Variants in NOP2 observed in about 807,000 individuals in gnomAD.
NOP2 encodes the protein NOP2 nucleolar protein.
In NOP2, 7 loss-of-function variants were observed where a neutral mutation model predicts 72.7. The ratio of observed to expected loss-of-function variants is 0.10; its 90% CI spans 0.05 to 0.18. NOP2 has a LOEUF of 0.18. Ranked by LOEUF, NOP2 falls within the 10% of genes least tolerant of loss-of-function variation. The probability of loss-of-function intolerance (pLI) is 1.00; values close to 1 mark genes in which losing one functional copy is unlikely to be tolerated. For synonymous variants in NOP2, 387 were observed against 388.0 expected (o/e 1.00, Z 0.03); for missense variants, 954 against 1,014.7 (o/e 0.94, Z 0.81).
At chr12:6,565,450 C>A (rs1217470235) in intron 5 of NOP2, among the ~76,000 whole-genome samples, 1 of 151,980 alleles carries the variant, frequency 6.6e-6, no homozygotes, top group African/African-American at 2.4e-5. Context: ...AAGCAATTTT[C>A]CTGCCTCAGC....
rs959288805 is a variant in NOP2, at chr12:6,557,109, C to T, written c.2323G>A (p.Asp775Asn). ...GGAGGCTGAGGCCCCTTGGGGGTATCATTCTGTTTCTGGAAGGCAGCTTTC... is the reference window on the plus strand; with the variant it reads ...GGAGGCTGAGGCCCCTTGGGGGTATTATTCTGTTTCTGGAAGGCAGCTTTC... Reference protein sequence around the residue: ...FEKAAFQKQNDTPKGPQPPTV... With the variant: ...FEKAAFQKQNNTPKGPQPPTV... The change falls in exon 16 of 16, where the codon GAT becomes AAT. Residue 775 changes from aspartate to asparagine, a missense_variant. This residue lies in a region of NOP2 where 269 missense variants were observed against 260.2 expected (regional missense o/e 1.03). Coordinates refer to ENST00000322166, the MANE Select transcript of NOP2 (RefSeq NM_001258308.2). The T allele has an allele frequency of 1.9e-6, 3 of 1,613,824 alleles. No homozygotes were observed. In the African/African-American group the frequency reaches 4.0e-5, roughly 22 times the overall value.
intron 9 of NOP2, among the ~76,000 whole-genome samples, chr12:6,562,829 T>TG (rs1299936032): frequency 2.0e-5 from 3 of 152,142 alleles, no homozygotes; most frequent in African/African-American, 7.2e-5. Context: ...CCAATTTCCT[T>TG]GGGGGCAGCA....
Position 6,566,604 on chromosome 12 carries a change from TCC to T in NOP2, c.161_162del (p.Arg54LysfsTer6). On this transcript the variant is annotated frameshift_variant, in exon 4 of 16. Transcript: ENST00000322166. LOFTEE classifies it high-confidence loss of function. ...SSRARKRAAK[R>X]RLGSVEAPKT... ...TTAGGGGCTTCAACAGAGCCCAATCTCCTCTTGGCTGCCCTGAAAAGACACAA... is the reference window on the plus strand; with the variant it reads ...TTAGGGGCTTCAACAGAGCCCAATCTTCTTGGCTGCCCTGAAAAGACACAA... 6.4e-7 allele frequency: 1 copy of T among 1,565,582 alleles called. No homozygotes were observed. The highest frequency in any genetic ancestry group is 8.8e-7 in the Non-Finnish European group (1 of 1,137,414).
chr12:6,562,963 C>A (rs998402186), intron 9 of NOP2, 118 bp downstream of exon 9: 6 of 1,016,142 alleles, frequency 5.9e-6, no homozygotes, highest in South Asian at 2.7e-5. Flanking sequence ...GTTTGCCCCC[C>A]CAGGATCATG....
At chr12:6,559,280 A>T (rs1009239827) in intron 15 of NOP2, among the ~76,000 whole-genome samples, 2 of 152,126 alleles carry the variant, frequency 1.3e-5, no homozygotes, top group Admixed American at 6.5e-5. Flanking sequence ...CACCAAGCTC[A>T]GCTAATTTTT....
At chr12:6,562,799 A>G (rs1947682957) in intron 9 of NOP2, among the ~76,000 whole-genome samples, 1 of 152,158 alleles carries the variant, frequency 6.6e-6, no homozygotes, top group Admixed American at 6.5e-5. Context: ...ATATTTCCCC[A>G]GCTCCTCAAT....
Position 6,557,141 on chromosome 12 carries a change from G to C in NOP2, c.2291C>G (p.Pro764Arg), listed in dbSNP as rs761726581. 5.0e-6 allele frequency: 8 copies of C among 1,613,868 alleles called. No individual in the cohort carries two copies. The highest frequency in any genetic ancestry group is 6.8e-6 in the Non-Finnish European group (8 of 1,179,900). Residue 764 changes from proline (P) to arginine (R), a missense_variant, in exon 16 of 16, where the codon CCT becomes CGT. Transcript: ENST00000322166. ...GVEKQQLPEQPFEKAAFQKQN... is the reference protein window; with the variant it reads ...GVEKQQLPEQRFEKAAFQKQN... ...TTTCTGGAAGGCAGCTTTCTCAAAA[G>C]GCTGCTCTGGCAACTGCTGCTTCTC...
At chr12:6,564,055 C>G in intron 5 of NOP2, 109 bp from the exon 6 acceptor site, 1 of 1,538,102 alleles carries the variant, frequency 6.5e-7, no homozygotes, top group Non-Finnish European at 8.7e-7. Flanking sequence ...AACACTTGCT[C>G]TCAGAAGGAA....
intron 5 of NOP2, among the ~76,000 whole-genome samples, chr12:6,564,491 C>T (rs546938596): frequency 1.3e-4 from 20 of 151,516 alleles, no homozygotes; most frequent in African/African-American, 4.1e-4. Flanking sequence ...TGCAATGGCG[C>T]GTCTTGGCTC....
rs1299726698 is a variant in NOP2, at chr12:6,563,530, A to T, written c.689-16T>A. On this transcript the variant is annotated splice_polypyrimidine_tract_variant and intron_variant, in intron 7 of 15. Coordinates refer to ENST00000322166, the MANE Select transcript of NOP2 (RefSeq NM_001258308.2). Reference sequence around the variant, plus strand: ...GCCTGGGCATGTGGGCCTGTTAAGGAACTGTGTCATGATGTCCTAAGGCCT... The same window carrying T: ...GCCTGGGCATGTGGGCCTGTTAAGGTACTGTGTCATGATGTCCTAAGGCCT... The T allele has an allele frequency of 6.2e-7, 1 of 1,612,330 alleles. No homozygotes were observed. The highest frequency in any genetic ancestry group is 8.5e-7 in the Non-Finnish European group (1 of 1,179,276).
chr12:6,556,889 T>A lies in NOP2; in HGVS notation c.*104A>T. ...CAGTGGCCAGAGGTTTTAAAATGTG[T>A]ATTAAATTTCATGGGTATGCACAGT... On this transcript the variant is annotated 3_prime_UTR_variant, in exon 16 of 16. Transcript: ENST00000322166. 7.6e-7 allele frequency: 1 copy of A among 1,323,926 alleles called. No individual in the cohort carries two copies. Among genetic ancestry groups the A allele is most frequent in the South Asian group, 1.3e-5 (1 of 74,892 alleles). The allele number at this position is 1,323,926 out of a possible 1,614,324, so 82.0% of individuals were successfully genotyped here.
At chr12:6,558,246 G>C in intron 15 of NOP2, 1 of 301,470 alleles carries the variant, frequency 3.3e-6, no homozygotes, top group South Asian at 2.5e-5. Flanking sequence ...ATGCTGTAAG[G>C]AAGAGGTGAT....
At chr12:6,564,275 CAAA>C (rs560024120) in intron 5 of NOP2, 58 of 74,162 alleles carry the variant, frequency 7.8e-4, no homozygotes, top group East Asian at 4.2e-3. Context: ...GACTTCATCT[CAAA>C]AAAAAAAAAA....
In NOP2 at chr12:6,560,404, C is replaced by T. The variant is rs764059228; in HGVS notation, c.1560+43G>A. ...AGGGAGCTCTAAGGGGCAAAGAGCC[C>T]CCCAGCCCAGCCTCCCCTGCTCTGC... On this transcript the variant is annotated intron_variant, in intron 14 of 15. Transcript: ENST00000322166. The surrounding 1 kb of genome is among the most constrained non-coding windows in gnomAD (Gnocchi z 5.0). 4 of 1,595,738 alleles carry T rather than the reference C, an allele frequency of 2.5e-6. No individual in the cohort carries two copies. The highest frequency in any genetic ancestry group is 1.7e-5 in the Admixed American group (1 of 58,040).
Position 6,561,930 on chromosome 12 carries a change from C to T in NOP2, c.1020G>A (p.Lys340=), listed in dbSNP as rs1291086830. The part of the protein sequence containing the change: ...NRGVNLDPLG[K]WSKTGLVVYD... ...ACACCACTAGTCCAGTCTTTGACCACTTGCCCAGGGGATCCAGGTTAACCC... is the reference window on the plus strand; with the variant it reads ...ACACCACTAGTCCAGTCTTTGACCATTTGCCCAGGGGATCCAGGTTAACCC... Residue 340 remains lysine, a synonymous_variant, in exon 10 of 16, where the codon AAG becomes AAA. Transcript: ENST00000322166. The T allele has an allele frequency of 6.2e-7, 1 of 1,612,674 alleles. No individual in the cohort carries two copies.
rs1294015887 is a variant in NOP2, at chr12:6,563,526, A to C, written c.689-12T>G. On this transcript the variant is annotated splice_polypyrimidine_tract_variant and intron_variant, in intron 7 of 15. Transcript: ENST00000322166. ...TGGAGCCTGGGCATGTGGGCCTGTT[A>C]AGGAACTGTGTCATGATGTCCTAAG... 2 of 1,612,480 alleles carry C rather than the reference A, an allele frequency of 1.2e-6. No homozygotes were observed. The highest frequency in any genetic ancestry group is 1.7e-6 in the Non-Finnish European group (2 of 1,179,248).
chr12:6,557,256 G>T lies in NOP2; in HGVS notation c.2176C>A (p.Gln726Lys). Residue 726 changes from glutamine to lysine, a missense_variant, in exon 16 of 16, where the codon CAA becomes AAA. Transcript: ENST00000322166. The stretch of plus-strand genomic sequence containing the variant: ...GATGGGGATAACACAGCCGGTGTTT[G>T]TGTGTCTGTGCCCTTGGGAGGGGCA... ...QNAPPKGTDT[Q>K]TPAVLSPSKT... 1 of 1,614,046 alleles carries T rather than the reference G, an allele frequency of 6.2e-7. No individual in the cohort carries two copies. Among genetic ancestry groups the T allele is most frequent in the Non-Finnish European group, 8.5e-7 (1 of 1,179,902 alleles).
intron 9 of NOP2, among the ~76,000 whole-genome samples, chr12:6,562,638 T>C (rs1198133407): frequency 6.6e-6 from 1 of 152,182 alleles, no homozygotes; most frequent in Admixed American, 6.5e-5. Context: ...CATTACATTA[T>C]TAGGTTTTCT....
At position 6,563,767 on chromosome 12, in the gene NOP2, G is replaced by C; in HGVS notation, c.535C>G (p.Gln179Glu). Residue 179 changes from glutamine to glutamate, a missense_variant, in exon 7 of 16, where the codon CAG becomes GAG. Gln to Glu is a conservative substitution (Grantham distance 29, BLOSUM62 2). Transcript: ENST00000322166. ...QKAREAAAGI[Q>E]WSEEETEDEE... The stretch of plus-strand genomic sequence containing the variant: ...TCCTCGGTCTCCTCTTCACTCCACT[G>C]GATCCTAGAAACAGGTCCAGGAACA... The C allele has an allele frequency of 6.2e-7, 1 of 1,612,882 alleles. No individual in the cohort carries two copies. Among genetic ancestry groups the C allele is most frequent in the Non-Finnish European group, 8.5e-7 (1 of 1,179,380 alleles).
Sources: allele counts gnomAD v4.1 joint callset (sites outside exome capture counted in the v4.1 genomes callset), GRCh38; gene constraint gnomAD v4.1.1; regional missense constraint gnomAD v4.1.1; non-coding constraint Gnocchi (gnomAD v3.1); transcripts MANE v1.5; gene names NCBI Gene and HGNC (gene_info 2026-07-23, HGNC 2026-07-21).